Variants in ZNF723 observed in about 807,000 individuals in gnomAD.
ZNF723 encodes the protein zinc finger protein 723, pseudogene.
ZNF723 carries 5 observed loss-of-function variants against 9.4 expected under a neutral mutation model. That is an observed-to-expected ratio of 0.53 (90% CI 0.28 to 1.12). The LOEUF is 1.12. Ranked by LOEUF, ZNF723 falls within the 50% of genes most tolerant of loss-of-function variation. ZNF723 has a pLI of 0.10. For missense variants in ZNF723, 450 were observed against 501.5 expected, an observed-to-expected ratio of 0.90 and a Z score of 0.98; for synonymous variants, 158 against 168.8, an observed-to-expected ratio of 0.94 and a Z score of 0.49.
intron 3 of ZNF723, among the ~76,000 whole-genome samples, chr19:22,850,369 G>A (rs924132596): frequency 1.3e-5 from 2 of 151,768 alleles, no homozygotes; most frequent in African/African-American, 4.8e-5. Context: ...ACCATGCCCA[G>A]CTAATTTTTG....
intron 1 of ZNF723, among the ~76,000 whole-genome samples, chr19:22,842,952 C>A (rs190406587): frequency 2.4e-3 from 366 of 152,308 alleles, no homozygotes; most frequent in African/African-American, 8.4e-3. Flanking sequence ...TGTCCAGTGA[C>A]CTGCTACAGT....
rs149757888 is a variant in ZNF723 at position 22,852,534 on chromosome 19, A to C, written c.226+3241A>C. ...ATGGTTGTTTAATCTTTTCTAGGTAAGCTGTCATAAACATTTTACTAGTTT... is the reference window on the plus strand; with the variant it reads ...ATGGTTGTTTAATCTTTTCTAGGTACGCTGTCATAAACATTTTACTAGTTT... On this transcript the variant is annotated intron_variant, in intron 3 of 3. Transcript: ENST00000600766. Among the ~76,000 whole-genome samples, 152 of 152,250 alleles carry C rather than the reference A, an allele frequency of 1.0e-3. 1 individual carries two copies. The highest frequency in any genetic ancestry group is 3.5e-3 in the African/African-American group (147 of 41,550).
chr19:22,845,521 GTGA>G (rs1967296452), intron 1 of ZNF723, among the ~76,000 whole-genome samples: 1 of 151,932 alleles, frequency 6.6e-6, no homozygotes, highest in Admixed American at 6.6e-5. Context: ...TTACTACAGG[GTGA>G]TTATAGGGCC....
chr19:22,843,257 C>T (rs1163659869), intron 1 of ZNF723, among the ~76,000 whole-genome samples: 1 of 152,184 alleles, frequency 6.6e-6, no homozygotes, highest in African/African-American at 2.4e-5. Flanking sequence ...AGCCCAGGGT[C>T]ACTGGGAACT....
upstream of ZNF723, among the ~76,000 whole-genome samples, chr19:22,831,137 A>T (rs1421143156): frequency 1.3e-5 from 2 of 152,180 alleles, no homozygotes; most frequent in Non-Finnish European, 2.9e-5. Context: ...TGAGATACAG[A>T]ATCTGTTTTA....
chr19:22,835,165 G>A (rs1382607390), intron 1 of ZNF723, among the ~76,000 whole-genome samples: 3 of 150,040 alleles, frequency 2.0e-5, no homozygotes, highest in East Asian at 2.0e-4. Context: ...CTAAGCCTCC[G>A]GAGTAGCTGG....
chr19:22,848,740 T>G lies in ZNF723; in HGVS notation c.130+353T>G, dbSNP rs923340560. Among the ~76,000 whole-genome samples the G allele has an allele frequency of 1.2e-4, 18 of 148,980 alleles. No individual in the cohort carries two copies. The South Asian group carries it at 3.8e-3, about 31-fold the overall frequency. ...GGGTAGAGAAATTATTTTATTTATTTATTTATTTATTTATTTATTTATTTA... is the reference window on the plus strand; with the variant it reads ...GGGTAGAGAAATTATTTTATTTATTGATTTATTTATTTATTTATTTATTTA... On this transcript the variant is annotated intron_variant, in intron 2 of 3. Coordinates refer to ENST00000600766, the MANE Select transcript of ZNF723 (RefSeq NM_001349726.2).
chr19:22,827,573 G>C (rs1320719262), upstream of ZNF723, among the ~76,000 whole-genome samples: 1 of 151,998 alleles, frequency 6.6e-6, no homozygotes, highest in African/African-American at 2.4e-5. Flanking sequence ...TCAGCCTCCA[G>C]AGTGGCTGGG....
chr19:22,832,884 T>G (rs960170506), intron 1 of ZNF723, among the ~76,000 whole-genome samples: 11 of 152,314 alleles, frequency 7.2e-5, no homozygotes, highest in Non-Finnish European at 1.2e-4. Context: ...AAGAAAAGAC[T>G]TTTATAAGAT....
Position 22,858,293 on chromosome 19 carries a change from C to T in ZNF723, c.1402C>T (p.Leu468Phe), listed in dbSNP as rs1052669207. 1.6e-6 allele frequency: 2 copies of T among 1,227,284 alleles called. No individual in the cohort carries two copies. The highest frequency in any genetic ancestry group is 3.0e-5 in the African/African-American group (2 of 67,474). 76.0% of individuals were successfully genotyped at this position (1,227,284 alleles called of 1,614,324 possible). A position where few individuals can be genotyped will look rare whatever the true frequency, so the allele number is the denominator to read the frequency against. ...CAAAGCTTTTAACCAATATTCAACC[C>T]TTAATAAACATAAGATAATTCATGC... ...CGKAFNQYST[L>F]NKHKIIHARE... is the part of the protein sequence containing the mutation. Residue 468 changes from leucine to phenylalanine, a missense_variant, in exon 4 of 4, where the codon CTT (leucine) becomes TTT (phenylalanine). By Grantham distance (22) the Leu-to-Phe change is conservative. Coordinates refer to ENST00000600766, the MANE Select transcript of ZNF723 (RefSeq NM_001349726.2).
At chr19:22,839,195 T>C (rs1236372510) in intron 1 of ZNF723, among the ~76,000 whole-genome samples, 1 of 152,130 alleles carries the variant, frequency 6.6e-6, no homozygotes, top group Non-Finnish European at 1.5e-5. Context: ...CAGTTTACCA[T>C]TGATAAGGAT....
At chr19:22,815,324 C>T in the ZNF723 span, among the ~76,000 whole-genome samples, 2 of 151,958 alleles carry the variant, frequency 1.3e-5, no homozygotes, top group African/African-American at 4.8e-5. Flanking sequence ...ATCCTGTCCA[C>T]AGAAAATGTT....
Position 22,858,481 on chromosome 19 carries a change from C to A in ZNF723, c.*48C>A. ...AACTTTTTTAAACATAAAAGAAATG[C>A]TGGTGGCCAGGCACAGTAGCTTACG... On this transcript the variant is annotated 3_prime_UTR_variant, in exon 4 of 4. Coordinates refer to ENST00000600766, the MANE Select transcript of ZNF723 (RefSeq NM_001349726.2). 1.6e-6 allele frequency: 1 copy of A among 624,222 alleles called. No homozygotes were observed. Among genetic ancestry groups the A allele is most frequent in the South Asian group, 2.1e-5 (1 of 47,646 alleles). 38.7% of individuals were successfully genotyped at this position (624,222 alleles called of 1,614,324 possible). A position where few individuals can be genotyped will look rare whatever the true frequency, so the allele number is the denominator to read the frequency against.
chr19:22,858,336 A>T lies in ZNF723; in HGVS notation c.1445A>T (p.Lys482Ile). Residue 482 changes from lysine to isoleucine, a missense_variant, in exon 4 of 4, where the codon AAA becomes ATA. Coordinates refer to ENST00000600766, the MANE Select transcript of ZNF723 (RefSeq NM_001349726.2). ...KIIHAREKPY[K>I]CEECGKAFNK... ...ATTCATGCTAGAGAGAAGCCTTACAAATGTGAAGAATGTGGCAAAGCCTTT... is the reference window on the plus strand; with the variant it reads ...ATTCATGCTAGAGAGAAGCCTTACATATGTGAAGAATGTGGCAAAGCCTTT... The T allele has an allele frequency of 1.9e-6, 2 of 1,067,090 alleles. No homozygotes were observed. The highest frequency in any genetic ancestry group is 2.9e-6 in the Non-Finnish European group (2 of 696,098). The allele number at this position is 1,067,090 out of a possible 1,614,324, so 66.1% of individuals were successfully genotyped here.
At chr19:22,826,024 C>T in the ZNF723 span, among the ~76,000 whole-genome samples, 1 of 152,184 alleles carries the variant, frequency 6.6e-6, no homozygotes, top group African/African-American at 2.4e-5. Flanking sequence ...TCTTTGGGTT[C>T]ATCACCTAGA....
At chr19:22,831,632 C>T (rs1967096934), upstream of ZNF723, among the ~76,000 whole-genome samples, 2 of 151,852 alleles carry the variant, frequency 1.3e-5, no homozygotes, top group Non-Finnish European at 1.5e-5. Context: ...AAATCTTGGC[C>T]GGGCGCGATG....
At chr19:22,818,373 G>A in the ZNF723 span, among the ~76,000 whole-genome samples, 48 of 152,238 alleles carry the variant, frequency 3.2e-4, 1 homozygote, top group South Asian at 1.0e-2. Flanking sequence ...ACACCCAGAA[G>A]AACTCACAAA....
Position 22,858,153 on chromosome 19 carries a change from G to A in ZNF723, c.1262G>A (p.Gly421Glu), listed in dbSNP as rs1011158283. Residue 421 changes from glycine to glutamate, a missense_variant, in exon 4 of 4, where the codon GGA (glycine) becomes GAA (glutamate). Transcript: ENST00000600766. The part of the protein sequence containing the change: ...ALTTHKIIHT[G>E]ERPYKCKQCG... ...ACTACACATAAGATAATTCATACTG[G>A]AGAAAGACCTTACAAATGTAAACAA... The A allele has an allele frequency of 1.3e-5, 19 of 1,417,968 alleles. No individual in the cohort carries two copies. The highest frequency in any genetic ancestry group is 1.8e-5 in the Non-Finnish European group (18 of 1,003,724). 87.8% of individuals were successfully genotyped at this position (1,417,968 alleles called of 1,614,324 possible). A position where few individuals can be genotyped will look rare whatever the true frequency, so the allele number is the denominator to read the frequency against.
At chr19:22,817,264 C>T in the ZNF723 span, among the ~76,000 whole-genome samples, 2 of 152,132 alleles carry the variant, frequency 1.3e-5, no homozygotes, top group African/African-American at 4.8e-5. Context: ...GACCCGGCAC[C>T]TAAGTTATGT....
Sources: allele counts gnomAD v4.1 joint callset (sites outside exome capture counted in the v4.1 genomes callset), GRCh38; gene constraint gnomAD v4.1.1; transcripts MANE v1.5; gene names NCBI Gene and HGNC (gene_info 2026-07-23, HGNC 2026-07-21).